Variants in SATB1 observed in about 807,000 individuals in gnomAD.
SATB1 encodes the protein SATB homeobox 1.
Under a neutral mutation model 86.9 loss-of-function variants are expected in SATB1, and 11 were observed. That is an observed-to-expected ratio of 0.13 (90% confidence interval 0.08 to 0.21). The LOEUF is 0.21. SATB1 is among the 10% of genes least tolerant of loss of function. The pLI is 1.00. For missense variants in SATB1, 551 were observed against 937.6 expected (o/e 0.59, Z 5.39); for synonymous variants, 357 against 357.2 (o/e 1.00, Z 0.01).
At chr3:18,362,619 ACT>A (rs1694957138) in intron 9 of SATB1, among the ~76,000 whole-genome samples, 1 of 151,640 alleles carries the variant, frequency 6.6e-6, no homozygotes, top group South Asian at 2.1e-4. Context: ...ACCATAAAAA[ACT>A]CTGTCAAAGG....
intron 5 of SATB1, among the ~76,000 whole-genome samples, chr3:18,407,150 T>C (rs1697579017): frequency 6.6e-6 from 1 of 152,032 alleles, no homozygotes; most frequent in Non-Finnish European, 1.5e-5. Flanking sequence ...AGCTCACCTC[T>C]TGGTAACAGT....
intron 2 of SATB1, among the ~76,000 whole-genome samples, chr3:18,432,896 G>A (rs932601445): frequency 3.3e-5 from 5 of 151,572 alleles, no homozygotes; most frequent in Admixed American, 3.3e-4. Flanking sequence ...AAGCCTCAGA[G>A]AAACAATGAG....
chr3:18,387,756 C>T (rs1393742896), intron 7 of SATB1, among the ~76,000 whole-genome samples: 1 of 152,096 alleles, frequency 6.6e-6, no homozygotes, highest in African/African-American at 2.4e-5. Flanking sequence ...TGCAAATCTA[C>T]TTTCCAATAT....
At position 18,384,502 on chromosome 3, in the gene SATB1, G is replaced by GTTCAATATT. The variant is rs1407356002; in HGVS notation, c.1419+1896_1419+1897insAATATTGAA. On this transcript the variant is annotated intron_variant, in intron 8 of 10. Coordinates refer to ENST00000338745, the MANE Select transcript of SATB1 (RefSeq NM_002971.6). ...GCAGTTCAATGTTGAAGTTCATATT[G>GTTCAATATT]GTCTTAAGTAAGCCATTCTTTTATT... 3.0e-4 allele frequency among the ~76,000 whole-genome samples: 45 copies of GTTCAATATT among 150,496 alleles called. 2 individuals carry two copies. Among genetic ancestry groups the GTTCAATATT allele is most frequent in the Admixed American group, 2.0e-4 (3 of 15,114 alleles).
intron 2 of SATB1, among the ~76,000 whole-genome samples, chr3:18,435,672 T>A (rs1344400065): frequency 6.6e-6 from 1 of 152,030 alleles, no homozygotes; most frequent in Non-Finnish European, 1.5e-5. Flanking sequence ...TTAGGTAATC[T>A]ACAGATAGAG....
At chr3:18,417,522 C>A in intron 2 of SATB1, 1 of 607,328 alleles carries the variant, frequency 1.6e-6, no homozygotes, top group Non-Finnish European at 2.9e-6. Flanking sequence ...TAAACTTTTC[C>A]TGGGTTTGTG....
intron 5 of SATB1, chr3:18,410,866 C>T: frequency 2.7e-6 from 1 of 374,816 alleles, no homozygotes; most frequent in Non-Finnish European, 4.7e-6. Context: ...ATTGTTGCTC[C>T]AATATCATTT....
chr3:18,418,545 T>C (rs1183749986), intron 2 of SATB1, among the ~76,000 whole-genome samples: 1 of 152,274 alleles, frequency 6.6e-6, no homozygotes, highest in Non-Finnish European at 1.5e-5. Flanking sequence ...ATTCAGCTGT[T>C]TTATACCAGA....
rs1184569593 is a variant in SATB1, at chr3:18,444,923, G to A, written c.-25+595C>T. The stretch of plus-strand genomic sequence containing the variant: ...TGTTAACGGGCGGGGGGGGGAGAAG[G>A]GGGAGGGGGCGGCGGCGGGGGCGGG... On this transcript the variant is annotated intron_variant, in intron 1 of 3. Transcript: ENST00000415069. This position sits in a 1 kb window ranked among gnomAD's most constrained non-coding sequence, Gnocchi z 5.1. 2 of 132,696 alleles carry A rather than the reference G, an allele frequency of 1.5e-5. No individual in the cohort carries two copies. Among genetic ancestry groups the A allele is most frequent in the Admixed American group, 7.2e-5 (1 of 13,908 alleles). The allele number at this position is 132,696 out of a possible 1,614,324, so 8.2% of individuals were successfully genotyped here. A position where few individuals can be genotyped will look rare whatever the true frequency, so the allele number is the denominator to read the frequency against.
chr3:18,381,799 C>A (rs2125196170), intron 8 of SATB1, among the ~76,000 whole-genome samples: 1 of 152,128 alleles, frequency 6.6e-6, no homozygotes, highest in African/African-American at 2.4e-5. Flanking sequence ...GAAATGTCCT[C>A]TTTTATGGAT....
intron 10 of SATB1, 94 bp downstream of exon 10, chr3:18,351,898 T>C: frequency 8.3e-7 from 1 of 1,207,830 alleles, no homozygotes; most frequent in Non-Finnish European, 1.2e-6. Context: ...AGCCTATGGT[T>C]AGACTGGCAG....
upstream of SATB1, among the ~76,000 whole-genome samples, chr3:18,440,834 G>C (rs954001975): frequency 6.6e-6 from 1 of 152,116 alleles, no homozygotes; most frequent in Admixed American, 6.5e-5. Flanking sequence ...CAAGAGTAAT[G>C]ACTGTTCTGT....
upstream of SATB1, among the ~76,000 whole-genome samples, chr3:18,439,136 AT>A (rs1251652187): frequency 5.9e-5 from 9 of 152,326 alleles, no homozygotes; most frequent in Non-Finnish European, 1.2e-4. Flanking sequence ...GACTGAATAA[AT>A]TTCAGCAGAA....
At chr3:18,379,042 A>G (rs1695909184) in intron 8 of SATB1, among the ~76,000 whole-genome samples, 1 of 152,226 alleles carries the variant, frequency 6.6e-6, no homozygotes, top group Non-Finnish European at 1.5e-5. Context: ...AATGTTTCAC[A>G]ATATTAAATA....
chr3:18,378,768 G>GTATGTAATA (rs1695896318), intron 8 of SATB1, among the ~76,000 whole-genome samples: 1 of 152,112 alleles, frequency 6.6e-6, no homozygotes, highest in Non-Finnish European at 1.5e-5. Flanking sequence ...ACATACTATG[G>GTATGTAATA]CCTTTTTAAT....
At chr3:18,441,050 T>C (rs1328791002), upstream of SATB1, among the ~76,000 whole-genome samples, 2 of 152,208 alleles carry the variant, frequency 1.3e-5, no homozygotes, top group Non-Finnish European at 2.9e-5. Flanking sequence ...TTTCAATATG[T>C]ATGCTTATTC....
chr3:18,442,826 T>C (rs533355735), upstream of SATB1, among the ~76,000 whole-genome samples: 2 of 152,350 alleles, frequency 1.3e-5, no homozygotes, highest in South Asian at 4.1e-4. Context: ...GCTATTCCTG[T>C]CTGCACATTT....
At chr3:18,428,180 G>A (rs1168356136), upstream of SATB1, among the ~76,000 whole-genome samples, 1 of 152,182 alleles carries the variant, frequency 6.6e-6, no homozygotes, top group Non-Finnish European at 1.5e-5. Context: ...CTCATCTGGT[G>A]AGGGCCTTCT....
At chr3:18,402,068 A>G (rs1469730111) in intron 5 of SATB1, among the ~76,000 whole-genome samples, 2 of 152,202 alleles carry the variant, frequency 1.3e-5, no homozygotes, top group Non-Finnish European at 2.9e-5. Flanking sequence ...TTTGAAAAAC[A>G]AAAACCACAA....
Sources: gnomAD v4.1 joint callset for allele counts (sites outside exome capture counted in the v4.1 genomes callset) on GRCh38, gnomAD v4.1.1 for gene constraint, Gnocchi (gnomAD v3.1) non-coding constraint, MANE v1.5 for transcripts, NCBI Gene and HGNC (gene_info 2026-07-23, HGNC 2026-07-21) for gene names.